Variants in MAGEC1 observed in about 807,000 individuals in gnomAD.
MAGEC1 encodes the protein MAGE family member C1, also known as melanoma-associated antigen C1.
Under a neutral mutation model 1.5 loss-of-function variants are expected in MAGEC1, and 3 were observed. That is an observed-to-expected ratio of 1.97 (90% confidence interval 0.90 to 5.10). MAGEC1 has a LOEUF of 5.10. MAGEC1 is among the 30% of genes most tolerant of loss of function. The probability of loss-of-function intolerance (pLI) is 0.02; values close to 1 mark genes in which losing one functional copy is unlikely to be tolerated. For missense variants in MAGEC1, 985 were observed against 803.1 expected (o/e 1.23, Z -2.74); for synonymous variants, 357 against 310.4 (o/e 1.15, Z -1.58).
rs1602639421 is a variant in MAGEC1 at position 141,905,135 on chromosome X, C to A, written c.4+59C>A. ...CCTCTCTCCCTCAGTCCTGTGGGAT[C>A]CCATCATACCTATTCGTGTTCACAC... On this transcript the variant is annotated intron_variant, in intron 3 of 3. Coordinates refer to ENST00000285879, the MANE Select transcript of MAGEC1 (RefSeq NM_005462.5). The A allele has an allele frequency of 5.6e-5, 66 of 1,173,889 alleles. No individual in the cohort carries two copies. In the East Asian group the frequency reaches 2.0e-3, roughly 35 times the overall value.
At position 141,907,512 on chromosome X, in the gene MAGEC1, A is replaced by G. The variant is rs765258591; in HGVS notation, c.2108A>G (p.Asp703Gly). Residue 703 changes from aspartate to glycine, a missense_variant, in exon 4 of 4, where the codon GAC becomes GGC. Asp to Gly is a moderately conservative substitution (Grantham distance 94). Coordinates refer to ENST00000285879, the MANE Select transcript of MAGEC1 (RefSeq NM_005462.5). ...CCTCAGAGTCCTCTTGAGGGAGAGGACTCCCTGTCTTCTCTCCATTTTCCT... is the reference window on the plus strand; with the variant it reads ...CCTCAGAGTCCTCTTGAGGGAGAGGGCTCCCTGTCTTCTCTCCATTTTCCT... ...QIPQSPLEGE[D>G]SLSSLHFPQS... 1.7e-6 allele frequency: 2 copies of G among 1,188,375 alleles called. No homozygotes were observed. The highest frequency in any genetic ancestry group is 3.6e-5 in the South Asian group (2 of 55,528).
At position 141,908,423 on chromosome X, in the gene MAGEC1, A is replaced by G. The variant is rs1927026677; in HGVS notation, c.3019A>G (p.Ile1007Val). 3 of 1,210,973 alleles carry G rather than the reference A, an allele frequency of 2.5e-6. No homozygotes were observed. Among genetic ancestry groups the G allele is most frequent in the African/African-American group, 1.7e-5 (1 of 57,619 alleles). ...NRLLILILSI[I>V]FIKGTYASEE... ...CCTCCTGATTCTTATTCTGAGTATC[A>G]TCTTCATAAAGGGCACCTATGCCTC... Residue 1007 changes from isoleucine to valine, a missense_variant, in exon 4 of 4, where the codon ATC (isoleucine) becomes GTC (valine). Physicochemically the swap from Ile to Val is conservative, Grantham distance 29 (BLOSUM62 3). Coordinates refer to ENST00000285879, the MANE Select transcript of MAGEC1 (RefSeq NM_005462.5).
At position 141,908,524 on chromosome X, in the gene MAGEC1, C is replaced by A. The variant is rs1927030070; in HGVS notation, c.3120C>A (p.Pro1040=). ...AGREHFAFGE[P]RELLTKVWVQ... ...GGGAGCACTTTGCCTTTGGGGAGCC[C>A]AGGGAGCTCCTCACTAAAGTTTGGG... Residue 1040 remains proline, a synonymous_variant, in exon 4 of 4, where the codon CCC becomes CCA. Coordinates refer to ENST00000285879, the MANE Select transcript of MAGEC1 (RefSeq NM_005462.5). 8.4e-7 allele frequency: 1 copy of A among 1,190,270 alleles called. No individual in the cohort carries two copies. The highest frequency in any genetic ancestry group is 1.1e-6 in the Non-Finnish European group (1 of 885,213).
chrX:141,907,199 C>T lies in MAGEC1; in HGVS notation c.1795C>T (p.Pro599Ser), dbSNP rs774743758. The change falls in exon 4 of 4, where the codon CCT becomes TCT. Residue 599 changes from proline (P) to serine (S), a missense_variant. Physicochemically the swap from Pro to Ser is moderately conservative, Grantham distance 74. Coordinates refer to ENST00000285879, the MANE Select transcript of MAGEC1 (RefSeq NM_005462.5). ...SLSPHYFPQS[P>S]PQGEDSMSPL... ...GTCTCCTCACTACTTTCCTCAGAGC[C>T]CTCCTCAGGGGGAGGACTCCATGTC... The T allele has an allele frequency of 3.3e-6, 4 of 1,209,238 alleles. No individual in the cohort carries two copies. The highest frequency in any genetic ancestry group is 4.5e-6 in the Non-Finnish European group (4 of 894,582).
At position 141,905,894 on chromosome X, in the gene MAGEC1, C is replaced by A. The variant is rs2018182387; in HGVS notation, c.490C>A (p.Gln164Lys). The A allele has an allele frequency of 8.4e-7, 1 of 1,195,324 alleles. No individual in the cohort carries two copies. Among genetic ancestry groups the A allele is most frequent in the Admixed American group, 2.2e-5 (1 of 44,791 alleles). The change falls in exon 4 of 4, where the codon CAG becomes AAG. Residue 164 changes from glutamine (Q) to lysine (K), a missense_variant. Transcript: ENST00000285879. ...TGAGGGTTTTCCCCAGTCTGTTCTCCAGATTCCTGTGAGCGCCGCCTCCTC... is the reference window on the plus strand; with the variant it reads ...TGAGGGTTTTCCCCAGTCTGTTCTCAAGATTCCTGTGAGCGCCGCCTCCTC... ...PFEGFPQSVLQIPVSAASSST... is the reference protein window; with the variant it reads ...PFEGFPQSVLKIPVSAASSST...
intron 2 of MAGEC1, 28 bp from the exon 3 acceptor site, chrX:141,904,942 C>A (rs2018167834): frequency 3.9e-6 from 4 of 1,014,130 alleles, no homozygotes; most frequent in Non-Finnish European, 5.5e-6. Context: ...AGCTGTGCCC[C>A]GAGGTGCTTT....
chrX:141,907,200 C>A lies in MAGEC1; in HGVS notation c.1796C>A (p.Pro599His). The A allele has an allele frequency of 9.9e-6, 12 of 1,209,457 alleles. No individual in the cohort carries two copies. Among genetic ancestry groups the A allele is most frequent in the Non-Finnish European group, 1.3e-5 (12 of 894,625 alleles). Residue 599 changes from proline to histidine, a missense_variant, in exon 4 of 4, where the codon CCT becomes CAT. By Grantham distance (77) the Pro-to-His change is moderately conservative (BLOSUM62 -2). Transcript: ENST00000285879. ...TCTCCTCACTACTTTCCTCAGAGCCCTCCTCAGGGGGAGGACTCCATGTCT... is the reference window on the plus strand; with the variant it reads ...TCTCCTCACTACTTTCCTCAGAGCCATCCTCAGGGGGAGGACTCCATGTCT... Reference protein sequence around the residue: ...SLSPHYFPQSPPQGEDSMSPL... With the variant: ...SLSPHYFPQSHPQGEDSMSPL...
At position 141,905,965 on chromosome X, in the gene MAGEC1, A is replaced by G. The variant is rs77851571; in HGVS notation, c.561A>G (p.Gln187=). 6.2e-3 allele frequency: 3,148 copies of G among 511,285 alleles called. 3 individuals carry two copies. Among genetic ancestry groups the G allele is most frequent in the African/African-American group, 0.024 (305 of 12,600 alleles). 42.1% of individuals were successfully genotyped at this position (511,285 alleles called of 1,213,427 possible). The change falls in exon 4 of 4, where the codon CAA becomes CAG. Residue 187 remains glutamine, a synonymous_variant. Transcript: ENST00000285879. ...TCCAGAGTTCCCCTGAGAGTACTCA[A>G]AGTCCTTTTGAGGGTTTTCCCCAGT... ...SIFQSSPEST[Q]SPFEGFPQSP...
rs751071689 is a variant in MAGEC1 at position 141,908,060 on chromosome X, C to G, written c.2656C>G (p.Leu886Val). Residue 886 changes from leucine (L) to valine (V), a missense_variant, in exon 4 of 4, where the codon CTA becomes GTA. Coordinates refer to ENST00000285879, the MANE Select transcript of MAGEC1 (RefSeq NM_005462.5). ...ATATACAAGTTCCTCAGACACCTTG[C>G]TAGAGAGTGATTCCTTGACAGACAG... Reference protein sequence around the residue: ...DEYTSSSDTLLESDSLTDSES... With the variant: ...DEYTSSSDTLVESDSLTDSES... 8.3e-7 allele frequency: 1 copy of G among 1,211,949 alleles called. No homozygotes were observed. The highest frequency in any genetic ancestry group is 3.0e-5 in the East Asian group (1 of 33,830).
rs138220840 is a variant in MAGEC1 at position 141,905,671 on chromosome X, C to T, written c.267C>T (p.Gly89=). 1,781 of 1,208,787 alleles carry T rather than the reference C, an allele frequency of 1.5e-3. 5 individuals carry two copies. The highest frequency in any genetic ancestry group is 1.8e-3 in the Non-Finnish European group (1,584 of 894,464). Residue 89 remains glycine, a synonymous_variant, in exon 4 of 4, where the codon GGC becomes GGT. Transcript: ENST00000285879. ...AGATTCCCCAGAGTTCTCCTGAGGGCGACGACACCCAGTCTCCTCTCCAGA... is the reference window on the plus strand; with the variant it reads ...AGATTCCCCAGAGTTCTCCTGAGGGTGACGACACCCAGTCTCCTCTCCAGA... ...PLQIPQSSPE[G]DDTQSPLQNS... is the part of the protein sequence containing the mutation.
At position 141,908,925 on chromosome X, in the gene MAGEC1, G is replaced by T; in HGVS notation, c.*92G>T. ...TGGTTGAGGCTGGAGAGAACACAGTGCTATTTGCATTTCTGTTCCATATGG... is the reference window on the plus strand; with the variant it reads ...TGGTTGAGGCTGGAGAGAACACAGTTCTATTTGCATTTCTGTTCCATATGG... On this transcript the variant is annotated 3_prime_UTR_variant, in exon 4 of 4. Transcript: ENST00000285879. 1 of 791,509 alleles carries T rather than the reference G, an allele frequency of 1.3e-6. No homozygotes were observed. 65.2% of individuals were successfully genotyped at this position (791,509 alleles called of 1,213,427 possible).
Position 141,905,814 on chromosome X carries a change from C to G in MAGEC1, c.410C>G (p.Ser137Cys), listed in dbSNP as rs374380387. ...PLQNPASSFF[S>C]SALLSIFQSS... The stretch of plus-strand genomic sequence containing the variant: ...CAGAATCCTGCGAGTTCCTTCTTCT[C>G]CTCTGCTTTATTGAGTATTTTCCAG... The change falls in exon 4 of 4, where the codon TCC becomes TGC. Residue 137 changes from serine to cysteine, a missense_variant. Transcript: ENST00000285879. 30 of 1,212,356 alleles carry G rather than the reference C, an allele frequency of 2.5e-5. No individual in the cohort carries two copies. Among genetic ancestry groups the G allele is most frequent in the Non-Finnish European group, 3.0e-5 (27 of 895,648 alleles).
At position 141,908,269 on chromosome X, in the gene MAGEC1, G is replaced by A. The variant is rs1186361183; in HGVS notation, c.2865G>A (p.Glu955=). The A allele has an allele frequency of 4.1e-6, 5 of 1,211,543 alleles. No individual in the cohort carries two copies. Among genetic ancestry groups the A allele is most frequent in the Non-Finnish European group, 5.6e-6 (5 of 895,377 alleles). The change falls in exon 4 of 4, where the codon GAG becomes GAA. Residue 955 remains glutamate (E), a synonymous_variant. Transcript: ENST00000285879. The part of the protein sequence containing the change: ...YFPVIFRKAR[E]FIEILFGISL... ...CTGTGATCTTCAGGAAAGCCCGTGA[G>A]TTCATAGAGATACTTTTTGGCATTT...
At position 141,904,825 on chromosome X, in the gene MAGEC1, G is replaced by A; in HGVS notation, c.-104+11G>A. On this transcript the variant is annotated intron_variant, in intron 2 of 3. Transcript: ENST00000285879. ...GTGCCAGGAGTCAAGGTGAGTGCAC[G>A]ACCTGACTGTGTACCAAGGGCCCTA... 1 of 441,338 alleles carries A rather than the reference G, an allele frequency of 2.3e-6. No individual in the cohort carries two copies. Among genetic ancestry groups the A allele is most frequent in the South Asian group, 3.4e-5 (1 of 29,626 alleles). The allele number at this position is 441,338 out of a possible 1,213,427, so 36.4% of individuals were successfully genotyped here. A position where few individuals can be genotyped will look rare whatever the true frequency, so the allele number is the denominator to read the frequency against.
Position 141,908,322 on chromosome X carries a change from C to G in MAGEC1, c.2918C>G (p.Ser973Cys), listed in dbSNP as rs200637999. 2.0e-5 allele frequency: 24 copies of G among 1,211,412 alleles called. No individual in the cohort carries two copies. Among genetic ancestry groups the G allele is most frequent in the Non-Finnish European group, 1.9e-5 (17 of 895,471 alleles). Residue 973 changes from serine to cysteine, a missense_variant, in exon 4 of 4, where the codon TCC becomes TGC. Ser to Cys is a moderately radical substitution (Grantham distance 112). Coordinates refer to ENST00000285879, the MANE Select transcript of MAGEC1 (RefSeq NM_005462.5). ...ISLREVDPDD[S>C]YVFVNTLDLT... Reference sequence around the variant, plus strand: ...CTGAGAGAAGTGGACCCTGATGACTCCTATGTCTTTGTAAACACATTAGAC... The same window carrying G: ...CTGAGAGAAGTGGACCCTGATGACTGCTATGTCTTTGTAAACACATTAGAC...
In MAGEC1 at chrX:141,908,385, T is replaced by G; in HGVS notation, c.2981T>G (p.Met994Arg). Residue 994 changes from methionine (M) to arginine (R), a missense_variant, in exon 4 of 4, where the codon ATG becomes AGG. Physicochemically the swap from Met to Arg is moderately conservative, Grantham distance 91. Transcript: ENST00000285879. Reference sequence around the variant, plus strand: ...GGGTGTCTGAGTGATGAGCAGGGCATGTCCCAGAACCGCCTCCTGATTCTT... The same window carrying G: ...GGGTGTCTGAGTGATGAGCAGGGCAGGTCCCAGAACCGCCTCCTGATTCTT... Reference protein sequence around the residue: ...SEGCLSDEQGMSQNRLLILIL... With the variant: ...SEGCLSDEQGRSQNRLLILIL... 1 of 1,211,564 alleles carries G rather than the reference T, an allele frequency of 8.3e-7. No individual in the cohort carries two copies. Among genetic ancestry groups the G allele is most frequent in the Non-Finnish European group, 1.1e-6 (1 of 895,408 alleles).
In MAGEC1 at chrX:141,906,818, G is replaced by A. The variant is rs957937203; in HGVS notation, c.1414G>A (p.Gly472Ser). The A allele has an allele frequency of 5.0e-6, 6 of 1,207,547 alleles. No homozygotes were observed. The highest frequency in any genetic ancestry group is 5.6e-6 in the Non-Finnish European group (5 of 893,631). ...TGAGAGAACTCACAGTACTTTTGAG[G>A]GTTTTCCCCAGTCTCCTCTCCAGAT... ...SPERTHSTFE[G>S]FPQSPLQIPV... is the part of the protein sequence containing the mutation. Residue 472 changes from glycine to serine, a missense_variant, in exon 4 of 4, where the codon GGT (glycine) becomes AGT (serine). Gly to Ser is a moderately conservative substitution (Grantham distance 56). Transcript: ENST00000285879.
In MAGEC1 at chrX:141,909,037, T is replaced by A. The variant is rs1927048098; in HGVS notation, c.*204T>A. The A allele has an allele frequency of 6.0e-6, 2 of 332,569 alleles. No homozygotes were observed. The highest frequency in any genetic ancestry group is 1.0e-5 in the Non-Finnish European group (2 of 193,335). The allele number at this position is 332,569 out of a possible 1,213,427, so 27.4% of individuals were successfully genotyped here. ...ACAGGTTTAAATAGCTTCAGAATCC[T>A]AGTTTATGCACATGAGTCGCACATG... On this transcript the variant is annotated 3_prime_UTR_variant, in exon 4 of 4. Coordinates refer to ENST00000285879, the MANE Select transcript of MAGEC1 (RefSeq NM_005462.5).
In MAGEC1 at chrX:141,907,771, T is replaced by G; in HGVS notation, c.2367T>G (p.Ser789Arg). ...CCTTCTTCTCCTACACTTTAGCGAG[T>G]CTTCTCCAAAGTTCCCATGAGAGTC... Reference protein sequence around the residue: ...VSSFFSYTLASLLQSSHESPQ... With the variant: ...VSSFFSYTLARLLQSSHESPQ... Residue 789 changes from serine to arginine, a missense_variant, in exon 4 of 4, where the codon AGT becomes AGG. Physicochemically the swap from Ser to Arg is moderately radical, Grantham distance 110. Coordinates refer to ENST00000285879, the MANE Select transcript of MAGEC1 (RefSeq NM_005462.5). 8.3e-7 allele frequency: 1 copy of G among 1,208,466 alleles called. No homozygotes were observed. Among genetic ancestry groups the G allele is most frequent in the Non-Finnish European group, 1.1e-6 (1 of 894,491 alleles).
Sources: gnomAD v4.1 joint callset for allele counts on GRCh38, gnomAD v4.1.1 for gene constraint, MANE v1.5 for transcripts, NCBI Gene and HGNC (gene_info 2026-07-23, HGNC 2026-07-21) for gene names.